Variants in C18orf63 observed in about 807,000 individuals in gnomAD.
C18orf63 encodes the protein uncharacterized protein C18orf63.
A neutral mutation model predicts 75.3 loss-of-function variants in C18orf63; 50 were observed. That is an observed-to-expected ratio of 0.66 (90% confidence interval 0.53 to 0.84). C18orf63 has a LOEUF of 0.84. Ranked by LOEUF, C18orf63 falls within the 40% of genes least tolerant of loss-of-function variation. C18orf63 has a pLI of 0.00. For missense variants in C18orf63, 732 were observed against 800.2 expected (o/e 0.91, Z 1.03); for synonymous variants, 232 against 267.6 (o/e 0.87, Z 1.30).
At chr18:74,350,943 T>C (rs1282216018) in intron 11 of C18orf63, among the ~76,000 whole-genome samples, 1 of 152,160 alleles carries the variant, frequency 6.6e-6, no homozygotes, top group African/African-American at 2.4e-5. Context: ...TAAACAGGAT[T>C]AGTGCTCTTA....
intron 11 of C18orf63, among the ~76,000 whole-genome samples, chr18:74,344,655 A>C (rs1053858814): frequency 2.6e-5 from 4 of 152,094 alleles, no homozygotes; most frequent in African/African-American, 9.7e-5. Context: ...TTTGAACTTC[A>C]TGTAAAATAA....
intron 11 of C18orf63, among the ~76,000 whole-genome samples, chr18:74,344,628 A>G (rs1984542698): frequency 1.3e-5 from 2 of 152,086 alleles, no homozygotes; most frequent in South Asian, 4.1e-4. Flanking sequence ...TAAACATCAT[A>G]TTTCATTTTG....
At chr18:74,354,392 C>A in intron 12 of C18orf63, 65 bp from the exon 13 acceptor site, 1 of 1,243,484 alleles carries the variant, frequency 8.0e-7, no homozygotes, top group Non-Finnish European at 1.1e-6. Context: ...AGAATATCTA[C>A]CCTAGAGCGA....
chr18:74,316,756 A>G (rs1050522507), intron 1 of C18orf63, among the ~76,000 whole-genome samples: 1 of 152,202 alleles, frequency 6.6e-6, no homozygotes, highest in African/African-American at 2.4e-5. Context: ...GAGCTTCACA[A>G]TATAGTTCTA....
intron 6 of C18orf63, among the ~76,000 whole-genome samples, chr18:74,330,567 A>G (rs1195963438): frequency 2.6e-5 from 4 of 152,020 alleles, no homozygotes; most frequent in Non-Finnish European, 5.9e-5. Context: ...GATTTGTGTA[A>G]GGTATTTGTT....
chr18:74,357,573 AAAATAGCCACTAG>A lies in C18orf63; in HGVS notation c.*1128_*1140del, dbSNP rs1168692525. ...ATTCCACTGAAACAATAATTACATA[AAAATAGCCACTAG>A]AGATCCAAGTATAAGTTGAACTCTG... On this transcript the variant is annotated 3_prime_UTR_variant, in exon 14 of 14. Coordinates refer to ENST00000579455, the MANE Select transcript of C18orf63 (RefSeq NM_001174123.2). 4 of 152,216 alleles carry A rather than the reference AAAATAGCCACTAG, an allele frequency of 2.6e-5. No individual in the cohort carries two copies. Among genetic ancestry groups the A allele is most frequent in the Non-Finnish European group, 2.9e-5 (2 of 68,040 alleles). The allele number at this position is 152,216 out of a possible 1,614,324, so 9.4% of individuals were successfully genotyped here. A position where few individuals can be genotyped will look rare whatever the true frequency, so the allele number is the denominator to read the frequency against.
chr18:74,318,001 T>TA lies in C18orf63; in HGVS notation c.134+9dup, dbSNP rs1177319298. 18 of 1,478,902 alleles carry TA rather than the reference T, an allele frequency of 1.2e-5. No homozygotes were observed. Among genetic ancestry groups the TA allele is most frequent in the Admixed American group, 8.8e-5 (4 of 45,684 alleles). The allele number at this position is 1,478,902 out of a possible 1,614,324, so 91.6% of individuals were successfully genotyped here. A position where few individuals can be genotyped will look rare whatever the true frequency, so the allele number is the denominator to read the frequency against. On this transcript the variant is annotated splice_region_variant and intron_variant, in intron 2 of 13. Transcript: ENST00000579455. ...GACTATACAAATGAAGATGTGCAGGTAAAAAAATACATCTTATAACTAAGA... is the reference window on the plus strand; with the variant it reads ...GACTATACAAATGAAGATGTGCAGGTAAAAAAAATACATCTTATAACTAAGA...
chr18:74,343,792 A>T, intron 11 of C18orf63, 90 bp downstream of exon 11: 1 of 721,656 alleles, frequency 1.4e-6, no homozygotes, highest in Non-Finnish European at 2.1e-6. Flanking sequence ...GGAACACCCA[A>T]CGCAGTGTGC....
intron 11 of C18orf63, among the ~76,000 whole-genome samples, chr18:74,352,810 AT>A (rs1984689938): frequency 6.6e-6 from 1 of 152,234 alleles, no homozygotes; most frequent in South Asian, 2.1e-4. Context: ...GACAAATATT[AT>A]TTAATTGATA....
intron 2 of C18orf63, among the ~76,000 whole-genome samples, chr18:74,319,725 G>A (rs1420328487): frequency 1.3e-5 from 2 of 152,106 alleles, no homozygotes; most frequent in Non-Finnish European, 2.9e-5. Context: ...CTTGCCTCTG[G>A]TGCCCCCTGC....
chr18:74,343,552 G>T lies in C18orf63; in HGVS notation c.828G>T (p.Met276Ile), dbSNP rs1307370906. 3.9e-6 allele frequency: 6 copies of T among 1,533,816 alleles called. No homozygotes were observed. The East Asian group carries it at 1.5e-4, about 38-fold the overall frequency. Residue 276 changes from methionine (M) to isoleucine (I), a missense_variant, in exon 11 of 14, where the codon ATG becomes ATT. Transcript: ENST00000579455. ...TCAGTTGCATCAGAAGTCAGCCCATGCAGTTCTTTCCAAGGGTAGATTCGG... is the reference window on the plus strand; with the variant it reads ...TCAGTTGCATCAGAAGTCAGCCCATTCAGTTCTTTCCAAGGGTAGATTCGG... ...YPLSCIRSQPMQFFPRVDSEV... is the reference protein window; with the variant it reads ...YPLSCIRSQPIQFFPRVDSEV...
In C18orf63 at chr18:74,354,482, T is replaced by C. The variant is rs12606060; in HGVS notation, c.2027T>C (p.Leu676Pro). 1 allele frequency: 1,477,329 copies of C among 1,477,878 alleles called. 738,391 individuals are homozygous for C. The highest frequency in any genetic ancestry group is 1 in the East Asian group (40,644 of 40,644). 91.5% of individuals were successfully genotyped at this position (1,477,878 alleles called of 1,614,324 possible). A position where few individuals can be genotyped will look rare whatever the true frequency, so the allele number is the denominator to read the frequency against. Residue 676 changes from leucine to proline, a missense_variant, in exon 13 of 14, where the codon CTT (leucine) becomes CCT (proline). Leu to Pro is a moderately conservative substitution (Grantham distance 98). Coordinates refer to ENST00000579455, the MANE Select transcript of C18orf63 (RefSeq NM_001174123.2). Reference sequence around the variant, plus strand: ...ATACTTGACTCGGATAAATCAAAACTTAAGAAATCTCTCATCATTCATAAT... The same window carrying C: ...ATACTTGACTCGGATAAATCAAAACCTAAGAAATCTCTCATCATTCATAAT... ...KQILDSDKSK[L>P]KKSLIIHNA
In C18orf63 at chr18:74,354,189, G is replaced by A. The variant is rs751002768; in HGVS notation, c.1922G>A (p.Cys641Tyr). The change falls in exon 12 of 14, where the codon TGT (cysteine) becomes TAT (tyrosine). Residue 641 changes from cysteine (C) to tyrosine (Y), a missense_variant. By Grantham distance (194) the Cys-to-Tyr change is radical (BLOSUM62 -2). Coordinates refer to ENST00000579455, the MANE Select transcript of C18orf63 (RefSeq NM_001174123.2). ...KIAHRSKRKL[C>Y]PESSKTSKKH... is the part of the protein sequence containing the mutation. ...GCCCACAGGTCTAAAAGAAAATTAT[G>A]TCCAGAGTCTTCCAAAACTTCAAAG... The A allele has an allele frequency of 2.6e-6, 4 of 1,536,258 alleles. No individual in the cohort carries two copies. The highest frequency in any genetic ancestry group is 1.7e-4 in the Middle Eastern group (1 of 5,994).
At chr18:74,326,892 A>G (rs1984217587) in intron 4 of C18orf63, among the ~76,000 whole-genome samples, 1 of 152,100 alleles carries the variant, frequency 6.6e-6, no homozygotes, top group Non-Finnish European at 1.5e-5. Context: ...GCGTGTGCCC[A>G]TGTAAGTATG....
chr18:74,320,060 C>G (rs1039447145), intron 2 of C18orf63, among the ~76,000 whole-genome samples: 1 of 152,088 alleles, frequency 6.6e-6, no homozygotes, highest in African/African-American at 2.4e-5. Context: ...AACGTTTTAG[C>G]TAAGCAAAGG....
chr18:74,356,325 A>G (rs900040106), intron 13 of C18orf63, among the ~76,000 whole-genome samples, 156 bp from the exon 14 acceptor site: 1 of 151,970 alleles, frequency 6.6e-6, no homozygotes, highest in African/African-American at 2.4e-5. Flanking sequence ...TCTGCACTCT[A>G]TGTCCACGTG....
chr18:74,336,912 T>C (rs918463346), intron 7 of C18orf63, among the ~76,000 whole-genome samples: 10 of 152,248 alleles, frequency 6.6e-5, no homozygotes, highest in Admixed American at 3.9e-4. Context: ...TACTGTGGTC[T>C]CTGAAATGGA....
chr18:74,329,373 CAAAAAAA>C (rs5826314), intron 6 of C18orf63, among the ~76,000 whole-genome samples: 4,960 of 94,388 alleles, frequency 0.053, 307 homozygotes, highest in African/African-American at 0.17. Context: ...GACCCTATTT[CAAAAAAA>C]AAAAAAAAAA....
chr18:74,318,014 C>A lies in C18orf63; in HGVS notation c.134+15C>A. 2 of 1,453,360 alleles carry A rather than the reference C, an allele frequency of 1.4e-6. No individual in the cohort carries two copies. The highest frequency in any genetic ancestry group is 1.8e-6 in the Non-Finnish European group (2 of 1,101,108). The allele number at this position is 1,453,360 out of a possible 1,614,324, so 90.0% of individuals were successfully genotyped here. Reference sequence around the variant, plus strand: ...AAGATGTGCAGGTAAAAAAATACATCTTATAACTAAGACTTTTAAAACTTT... The same window carrying A: ...AAGATGTGCAGGTAAAAAAATACATATTATAACTAAGACTTTTAAAACTTT... On this transcript the variant is annotated intron_variant, in intron 2 of 13. Coordinates refer to ENST00000579455, the MANE Select transcript of C18orf63 (RefSeq NM_001174123.2).
Sources: allele counts gnomAD v4.1 joint callset (sites outside exome capture counted in the v4.1 genomes callset), GRCh38; gene constraint gnomAD v4.1.1; transcripts MANE v1.5; gene names NCBI Gene and HGNC (gene_info 2026-07-23, HGNC 2026-07-21).